The following ANKRD29 variants were observed in gnomAD, a reference collection of about 807,000 sequenced individuals.
The protein encoded by ANKRD29 is ankyrin repeat domain 29.
A neutral mutation model predicts 38.0 loss-of-function variants in ANKRD29; 32 were observed. That is an observed-to-expected ratio of 0.84 (90% CI 0.64 to 1.13). The LOEUF (loss-of-function observed/expected upper bound fraction) is 1.13. Among genes scored for constraint, ANKRD29 ranks in the 50% most tolerant of loss-of-function variants. The pLI, the probability that ANKRD29 is intolerant of heterozygous loss-of-function variation, is 0.00. For synonymous variants in ANKRD29, 135 were observed against 152.4 expected (o/e 0.89, Z 0.84); for missense variants, 357 against 377.9 (o/e 0.94, Z 0.46).
At chr18:23,614,217 A>G (rs938427578) in intron 8 of ANKRD29, among the ~76,000 whole-genome samples, 1 of 150,026 alleles carries the variant, frequency 6.7e-6, no homozygotes, top group Admixed American at 6.7e-5. Flanking sequence ...GTACACCACC[A>G]CTCTTGGCTT....
At chr18:23,628,776 A>G (rs1343441966) in intron 6 of ANKRD29, among the ~76,000 whole-genome samples, 1 of 151,692 alleles carries the variant, frequency 6.6e-6, no homozygotes, top group Non-Finnish European at 1.5e-5. Flanking sequence ...GAAGGTTACA[A>G]TGGGTCGAGA....
intron 8 of ANKRD29, among the ~76,000 whole-genome samples, chr18:23,616,061 A>C (rs925981089): frequency 1.6e-4 from 24 of 149,200 alleles, no homozygotes; most frequent in African/African-American, 5.1e-4. Flanking sequence ...CTCTACACAT[A>C]CCGTATGTAT....
intron 6 of ANKRD29, among the ~76,000 whole-genome samples, chr18:23,625,124 C>T (rs1029425939): frequency 6.6e-6 from 1 of 152,258 alleles, no homozygotes; most frequent in Admixed American, 6.5e-5. Context: ...AGTCCAAGAG[C>T]TGTGAGGAAT....
intron 6 of ANKRD29, among the ~76,000 whole-genome samples, chr18:23,623,935 G>A (rs527701064): frequency 1.1e-4 from 16 of 151,810 alleles, no homozygotes; most frequent in Admixed American, 5.2e-4. Flanking sequence ...TAGCCACCGC[G>A]TCTGGCGATT....
rs2060036266 is a variant in ANKRD29, at chr18:23,638,857, T to C, written c.322A>G (p.Arg108Gly). Reference sequence around the variant, plus strand: ...CAAGAAGGTTATCTCACTTTGGTCCTAAATTCAGTGGATGCTCCAAATCCA... The same window carrying C: ...CAAGAAGGTTATCTCACTTTGGTCCCAAATTCAGTGGATGCTCCAAATCCA... Reference protein sequence around the residue: ...LFGFGASTEFRTKDGGTALLA... With the variant: ...LFGFGASTEFGTKDGGTALLA... The change falls in exon 4 of 10, where the codon AGG becomes GGG. Residue 108 changes from arginine to glycine, a missense_variant. By Grantham distance (125) the Arg-to-Gly change is moderately radical. Transcript: ENST00000592179. 1 of 1,608,598 alleles carries C rather than the reference T, an allele frequency of 6.2e-7. No individual in the cohort carries two copies. Among genetic ancestry groups the C allele is most frequent in the Non-Finnish European group, 8.5e-7 (1 of 1,178,670 alleles).
chr18:23,608,382 C>T (rs1401604695), intron 9 of ANKRD29, among the ~76,000 whole-genome samples: 2 of 152,174 alleles, frequency 1.3e-5, no homozygotes, highest in Non-Finnish European at 2.9e-5. Context: ...CTGAGGGCTT[C>T]TGCAGTATGA....
In ANKRD29 at chr18:23,617,843, A is replaced by G. The variant is rs550839852; in HGVS notation, c.628-16T>C. 2.1e-5 allele frequency: 34 copies of G among 1,605,880 alleles called. No homozygotes were observed. In the African/African-American group the frequency reaches 4.0e-4, roughly 19 times the overall value. The stretch of plus-strand genomic sequence containing the variant: ...TTGTGCCATCCTTAACAGAAAGAGG[A>G]AAATAAAAGTTGATTATTAACATAT... On this transcript the variant is annotated splice_polypyrimidine_tract_variant and intron_variant, in intron 7 of 9. Coordinates refer to ENST00000592179, the MANE Select transcript of ANKRD29 (RefSeq NM_173505.4).
At chr18:23,615,165 G>A (rs1214380853) in intron 8 of ANKRD29, among the ~76,000 whole-genome samples, 1 of 152,016 alleles carries the variant, frequency 6.6e-6, no homozygotes, top group East Asian at 1.9e-4. Context: ...ACACACCATG[G>A]CATCCATCTA....
intron 6 of ANKRD29, among the ~76,000 whole-genome samples, chr18:23,623,099 G>A (rs2059816407): frequency 6.6e-6 from 1 of 152,192 alleles, no homozygotes; most frequent in Non-Finnish European, 1.5e-5. Context: ...GCTCACAGAT[G>A]CTTAGGAAAT....
chr18:23,627,320 T>C (rs2059874181), intron 6 of ANKRD29, among the ~76,000 whole-genome samples: 1 of 152,234 alleles, frequency 6.6e-6, no homozygotes, highest in Admixed American at 6.5e-5. Flanking sequence ...ATAACAATTC[T>C]TTTAGGGCTG....
chr18:23,635,047 CAT>C (rs898963816), intron 4 of ANKRD29, among the ~76,000 whole-genome samples: 2 of 152,222 alleles, frequency 1.3e-5, no homozygotes, highest in African/African-American at 4.8e-5. Context: ...TTCCTTTTAA[CAT>C]GTGCCAATTT....
At chr18:23,622,523 G>A (rs917267467) in intron 6 of ANKRD29, among the ~76,000 whole-genome samples, 6 of 152,146 alleles carry the variant, frequency 3.9e-5, no homozygotes, top group Non-Finnish European at 8.8e-5. Flanking sequence ...TAATATGTGG[G>A]AAAGTGCTAA....
chr18:23,641,310 G>T (rs920152220), intron 3 of ANKRD29, among the ~76,000 whole-genome samples: 3 of 152,194 alleles, frequency 2.0e-5, no homozygotes, highest in Non-Finnish European at 2.9e-5. Flanking sequence ...GCATCCCTGT[G>T]CTCTCTGGGC....
chr18:23,647,526 T>C (rs1350918612), intron 2 of ANKRD29: 1 of 152,030 alleles, frequency 6.6e-6, no homozygotes, highest in South Asian at 2.1e-4. Context: ...TGGTGCTCTA[T>C]GGTATTTTTT....
chr18:23,651,848 G>A (rs1350468914), intron 1 of ANKRD29, among the ~76,000 whole-genome samples: 2 of 152,216 alleles, frequency 1.3e-5, no homozygotes, highest in African/African-American at 4.8e-5. Context: ...AATTTACTAA[G>A]AGGCAGCAAC....
At chr18:23,619,226 G>A (rs1446321695) in intron 7 of ANKRD29, among the ~76,000 whole-genome samples, 1 of 152,098 alleles carries the variant, frequency 6.6e-6, no homozygotes, top group South Asian at 2.1e-4. Flanking sequence ...CCTAGGACAC[G>A]CCCCAGGACA....
intron 1 of ANKRD29, among the ~76,000 whole-genome samples, chr18:23,662,404 G>A (rs1267005549): frequency 2.6e-5 from 4 of 152,072 alleles, no homozygotes; most frequent in African/African-American, 9.7e-5. Flanking sequence ...CTTCTTACCC[G>A]CCCCCGACCT....
chr18:23,635,610 A>G (rs989718570), intron 4 of ANKRD29, among the ~76,000 whole-genome samples: 15 of 152,268 alleles, frequency 9.9e-5, no homozygotes, highest in Non-Finnish European at 2.1e-4. Context: ...AACATGAATC[A>G]TAAATATAAG....
chr18:23,640,339 G>A (rs942133094), intron 3 of ANKRD29, among the ~76,000 whole-genome samples: 1 of 152,186 alleles, frequency 6.6e-6, no homozygotes, highest in Admixed American at 6.5e-5. Context: ...GATGTTCGAA[G>A]CCACCTAGTT....
Sources: gnomAD v4.1 joint callset for allele counts (sites outside exome capture counted in the v4.1 genomes callset) on GRCh38, gnomAD v4.1.1 for gene constraint, MANE v1.5 for transcripts, NCBI Gene and HGNC (gene_info 2026-07-23, HGNC 2026-07-21) for gene names.